GPD1L: variants seen among roughly 807,000 people sequenced by gnomAD.
The protein encoded by GPD1L is glycerol-3-phosphate dehydrogenase 1 like.
In GPD1L, 17 loss-of-function variants were observed where a neutral mutation model predicts 32.9. The observed-to-expected ratio is 0.52, with a 90% CI of 0.35 to 0.78. GPD1L has a LOEUF of 0.78. Ranked by LOEUF, GPD1L falls within the 30% of genes least tolerant of loss-of-function variation. The pLI is 0.01. For missense variants in GPD1L, 361 were observed against 447.8 expected, an observed-to-expected ratio of 0.81 and a Z score of 1.75; for synonymous variants, 187 against 165.9, an observed-to-expected ratio of 1.13 and a Z score of -0.98.
chr3:32,113,262 T>C lies in GPD1L; in HGVS notation c.47+6504T>C, dbSNP rs1366670215. Among the ~76,000 whole-genome samples the C allele has an allele frequency of 1.3e-5, 2 of 152,208 alleles. 1 individual carries two copies. The highest frequency in any genetic ancestry group is 6.3e-3 in the Middle Eastern group (2 of 316). ...TGTTGAAAAAATCTTATCTTTTTTT[T>C]TCTTTGTATGTGAAGAAAAATCTTA... On this transcript the variant is annotated intron_variant, in intron 1 of 7. Coordinates refer to ENST00000282541, the MANE Select transcript of GPD1L (RefSeq NM_015141.4).
chr3:32,121,256 T>C (rs1046432123), intron 1 of GPD1L, among the ~76,000 whole-genome samples: 4 of 151,772 alleles, frequency 2.6e-5, no homozygotes, highest in African/African-American at 9.7e-5. Context: ...CTGTCTCCTC[T>C]TCCTTCTTTT....
At chr3:32,130,693 GGTTGC>G (rs1700575740) in intron 2 of GPD1L, among the ~76,000 whole-genome samples, 1 of 151,930 alleles carries the variant, frequency 6.6e-6, no homozygotes, top group South Asian at 2.1e-4. Flanking sequence ...TCTGAAGGCC[GGTTGC>G]GGTGGCTCAC....
rs144196491 is a variant in GPD1L at position 32,150,166 on chromosome 3, G to A, written c.618+3432G>A. ...AGCTGATCTGCTTTTATATGCCATC[G>A]TTTGCATTTTCTAGGATTTTTATAA... On this transcript the variant is annotated intron_variant, in intron 5 of 7. Coordinates refer to ENST00000282541, the MANE Select transcript of GPD1L (RefSeq NM_015141.4). Among the ~76,000 whole-genome samples the A allele has an allele frequency of 7.2e-5, 11 of 152,114 alleles. No homozygotes were observed. The East Asian group carries it at 9.7e-4, about 13-fold the overall frequency.
intron 1 of GPD1L, among the ~76,000 whole-genome samples, chr3:32,122,325 T>C (rs950656204): frequency 2.0e-5 from 3 of 152,236 alleles, no homozygotes; most frequent in Non-Finnish European, 1.5e-5. Flanking sequence ...TAACCGTAGA[T>C]GGACAGCATG....
At chr3:32,123,839 T>TAGATAGATAGATAGACAGACAGAC (rs58722314) in intron 1 of GPD1L, among the ~76,000 whole-genome samples, 11 of 134,488 alleles carry the variant, frequency 8.2e-5, no homozygotes, top group South Asian at 2.4e-4. Context: ...GATAGATAGA[T>TAGATAGATAGATAGACAGACAGAC]AGACAGACAG....
At chr3:32,119,418 C>A (rs938263984) in intron 1 of GPD1L, among the ~76,000 whole-genome samples, 1 of 152,086 alleles carries the variant, frequency 6.6e-6, no homozygotes, top group Non-Finnish European at 1.5e-5. Flanking sequence ...AAGCATTTTC[C>A]CCTACAGTTT....
In GPD1L at chr3:32,131,552, A is replaced by G. The variant is rs150873412; in HGVS notation, c.225+3299A>G. On this transcript the variant is annotated intron_variant, in intron 2 of 7. Coordinates refer to ENST00000282541, the MANE Select transcript of GPD1L (RefSeq NM_015141.4). ...TCTTTCACTTTGCATAATGCTGTGA[A>G]GCTCCATCCATGTTGTAGCATGTAT... Among the ~76,000 whole-genome samples, 1,044 of 152,276 alleles carry G rather than the reference A, an allele frequency of 6.9e-3. 6 individuals carry two copies. The highest frequency in any genetic ancestry group is 0.01 in the Non-Finnish European group (683 of 68,020).
chr3:32,139,056 T>G (rs747335660), intron 3 of GPD1L, among the ~76,000 whole-genome samples: 16 of 152,128 alleles, frequency 1.1e-4, no homozygotes, highest in Non-Finnish European at 2.2e-4. Context: ...TTAGTGCCCA[T>G]TCTTGGATAT....
chr3:32,112,469 T>TA (rs1240854324), intron 1 of GPD1L, among the ~76,000 whole-genome samples: 1 of 152,012 alleles, frequency 6.6e-6, no homozygotes, highest in African/African-American at 2.4e-5. Flanking sequence ...ACCCTGTCTG[T>TA]ACAAAAAAAA....
At chr3:32,140,135 A>G in intron 3 of GPD1L, 93 bp from the exon 4 acceptor site, 1 of 1,313,702 alleles carries the variant, frequency 7.6e-7, no homozygotes, top group Non-Finnish European at 1.1e-6. Context: ...AGTAGGAGAC[A>G]TTTTTCAAGT....
intron 5 of GPD1L, among the ~76,000 whole-genome samples, chr3:32,152,249 G>A (rs891721590): frequency 4.6e-5 from 7 of 152,244 alleles, no homozygotes; most frequent in South Asian, 2.1e-4. Context: ...CAAGGTAGAC[G>A]TTTCTTTCTT....
chr3:32,147,523 TG>T (rs1700849846), intron 5 of GPD1L, among the ~76,000 whole-genome samples: 1 of 152,156 alleles, frequency 6.6e-6, no homozygotes. Flanking sequence ...TGCCGTGACT[TG>T]GGGGAACAAC....
chr3:32,163,161 C>CTTTTTTTTT (rs34385950), intron 7 of GPD1L, among the ~76,000 whole-genome samples: 1 of 78,030 alleles, frequency 1.3e-5, no homozygotes, highest in South Asian at 5.6e-4. Flanking sequence ...CTGGTTTGTC[C>CTTTTTTTTT]TTTTTTTTTT....
At chr3:32,162,998 A>G (rs573961163) in intron 7 of GPD1L, among the ~76,000 whole-genome samples, 4 of 145,544 alleles carry the variant, frequency 2.7e-5, no homozygotes, top group Admixed American at 1.4e-4. Flanking sequence ...GCCTCAAGCA[A>G]TCTGCCCACC....
chr3:32,112,020 T>A (rs1338398891), intron 1 of GPD1L, among the ~76,000 whole-genome samples: 1 of 152,180 alleles, frequency 6.6e-6, no homozygotes, highest in Non-Finnish European at 1.5e-5. Context: ...CGGACACACT[T>A]CTGCCTTGGA....
At chr3:32,114,800 G>A (rs977420039) in intron 1 of GPD1L, among the ~76,000 whole-genome samples, 4 of 151,902 alleles carry the variant, frequency 2.6e-5, no homozygotes, top group Admixed American at 1.3e-4. Context: ...CAGTGGGTTC[G>A]TGGTCTCGCT....
At chr3:32,119,934 A>G (rs1700385248) in intron 1 of GPD1L, among the ~76,000 whole-genome samples, 3 of 152,220 alleles carry the variant, frequency 2.0e-5, no homozygotes, top group South Asian at 2.1e-4. Context: ...AAAGAAATTC[A>G]TCAGGTTTTT....
At chr3:32,145,469 C>T (rs1700806335) in intron 4 of GPD1L, among the ~76,000 whole-genome samples, 5 of 152,146 alleles carry the variant, frequency 3.3e-5, no homozygotes, top group Admixed American at 3.3e-4. Flanking sequence ...ACCCATAGAC[C>T]CTACCTTGTA....
At chr3:32,153,504 C>A (rs987551618) in intron 5 of GPD1L, among the ~76,000 whole-genome samples, 2 of 152,172 alleles carry the variant, frequency 1.3e-5, no homozygotes. Context: ...CATATTGGTG[C>A]GACCGACTAG....
Sources: allele counts gnomAD v4.1 joint callset (sites outside exome capture counted in the v4.1 genomes callset), GRCh38; gene constraint gnomAD v4.1.1; transcripts MANE v1.5; gene names NCBI Gene and HGNC (gene_info 2026-07-23, HGNC 2026-07-21).